ADAM12: variants seen among roughly 807,000 people sequenced by gnomAD.
ADAM12 encodes ADAM metallopeptidase domain 12, also known as disintegrin and metalloproteinase domain-containing protein 12.
ADAM12 carries 70 observed loss-of-function variants against 106.4 expected under a neutral mutation model. The observed-to-expected ratio is 0.66, with a 90% CI of 0.54 to 0.80. ADAM12 has a LOEUF of 0.80. Ranked by LOEUF, ADAM12 falls within the 30% of genes least tolerant of loss-of-function variation. The pLI is 0.00. For synonymous variants in ADAM12, 420 were observed against 433.5 expected, an observed-to-expected ratio of 0.97 and a Z score of 0.39; for missense variants, 1,010 against 1,171.9, an observed-to-expected ratio of 0.86 and a Z score of 2.02.
chr10:126,283,565 C>A (rs1959693677), intron 2 of ADAM12, among the ~76,000 whole-genome samples: 1 of 152,174 alleles, frequency 6.6e-6, no homozygotes, highest in East Asian at 1.9e-4. Context: ...CAAGACAGAG[C>A]ACCTTTGCTT....
At chr10:126,282,321 C>T (rs188132176) in intron 2 of ADAM12, among the ~76,000 whole-genome samples, 3 of 152,132 alleles carry the variant, frequency 2.0e-5, no homozygotes, top group Admixed American at 6.5e-5. Context: ...TCTAAGGTAC[C>T]GGGGTTAGGA....
chr10:126,259,549 C>G (rs1050498355), intron 3 of ADAM12, among the ~76,000 whole-genome samples: 1 of 152,310 alleles, frequency 6.6e-6, no homozygotes, highest in Admixed American at 6.5e-5. Flanking sequence ...TGGTCTGACA[C>G]AGCAAAATAT....
intron 3 of ADAM12, among the ~76,000 whole-genome samples, chr10:126,197,735 T>C (rs1227887343): frequency 6.6e-6 from 1 of 152,154 alleles, no homozygotes; most frequent in Non-Finnish European, 1.5e-5. Context: ...GCCCAACAAA[T>C]AGTCAATGAA....
At chr10:126,228,221 AC>A (rs34343150) in intron 3 of ADAM12, among the ~76,000 whole-genome samples, 9 of 152,098 alleles carry the variant, frequency 5.9e-5, no homozygotes, top group Non-Finnish European at 8.8e-5. Flanking sequence ...TCGTAACTGT[AC>A]CCCCCAATAT....
chr10:126,045,964 A>G, intron 17 of ADAM12, 91 bp downstream of exon 17: 2 of 1,163,922 alleles, frequency 1.7e-6, no homozygotes, highest in Non-Finnish European at 2.6e-6. Flanking sequence ...TATTTAAAAA[A>G]TGCTATGGAT....
At position 126,064,170 on chromosome 10, in the gene ADAM12, G is replaced by C. The variant is rs1158496642; in HGVS notation, c.1609+636C>G. On this transcript the variant is annotated intron_variant, in intron 14 of 22. Coordinates refer to ENST00000448723, the MANE Select transcript of ADAM12 (RefSeq NM_001288973.2). This position sits in a 1 kb window ranked among gnomAD's most constrained non-coding sequence, Gnocchi z 4.4. The stretch of plus-strand genomic sequence containing the variant: ...AGTGCCCAGCCTGAACTGGTGAAAT[G>C]GTGAACTGATGGTCTCTTGTTTGAC... Among the ~76,000 whole-genome samples the C allele has an allele frequency of 6.6e-6, 1 of 152,184 alleles. No homozygotes were observed. Among genetic ancestry groups the C allele is most frequent in the African/African-American group, 2.4e-5 (1 of 41,442 alleles).
At chr10:126,375,697 T>TAA (rs34602029) in intron 1 of ADAM12, among the ~76,000 whole-genome samples, 25,476 of 138,454 alleles carry the variant, frequency 0.18, 2,466 homozygotes, top group Middle Eastern at 0.3. Context: ...TCATTAAAGT[T>TAA]AAAAAAAAAA....
intron 3 of ADAM12, among the ~76,000 whole-genome samples, chr10:126,203,386 A>AT (rs1374431115): frequency 2.0e-5 from 3 of 152,252 alleles, no homozygotes; most frequent in African/African-American, 7.2e-5. Context: ...TTTAAGGTAA[A>AT]TATTGCAACA....
chr10:126,058,297 A>T (rs1001445950), intron 14 of ADAM12, among the ~76,000 whole-genome samples: 68 of 152,238 alleles, frequency 4.5e-4, no homozygotes, highest in African/African-American at 1.6e-3. Context: ...GTGAAAAGCC[A>T]TTTGGGGAAA....
chr10:126,310,256 C>G (rs1289355448), intron 2 of ADAM12, among the ~76,000 whole-genome samples: 1 of 151,630 alleles, frequency 6.6e-6, no homozygotes, highest in Non-Finnish European at 1.5e-5. Flanking sequence ...AAGACAGAAC[C>G]CTGGGAGTTG....
intron 3 of ADAM12, among the ~76,000 whole-genome samples, chr10:126,253,051 G>A (rs1958817597): frequency 6.6e-6 from 1 of 152,140 alleles, no homozygotes; most frequent in Admixed American, 6.5e-5. Context: ...TCACATAACA[G>A]GACATACCTG....
chr10:126,031,054 G>C (rs533984960), intron 21 of ADAM12, among the ~76,000 whole-genome samples: 2 of 152,160 alleles, frequency 1.3e-5, no homozygotes, highest in Non-Finnish European at 2.9e-5. Context: ...TCCAGGCTAC[G>C]GCAGCAGGTG....
intron 1 of ADAM12, among the ~76,000 whole-genome samples, chr10:126,348,269 G>C (rs975412574): frequency 1.4e-4 from 22 of 152,202 alleles, no homozygotes; most frequent in African/African-American, 5.1e-4. Flanking sequence ...GAAAGGGATA[G>C]TGCCTTTAAG....
intron 2 of ADAM12, among the ~76,000 whole-genome samples, chr10:126,327,182 G>A (rs764443647): frequency 6.6e-6 from 1 of 152,186 alleles, no homozygotes; most frequent in Non-Finnish European, 1.5e-5. Context: ...GTCACAGAGC[G>A]ACGTGCCTTT....
chr10:126,361,617 C>A (rs1332454327), intron 1 of ADAM12, among the ~76,000 whole-genome samples: 1 of 151,984 alleles, frequency 6.6e-6, no homozygotes, highest in African/African-American at 2.4e-5. Flanking sequence ...GAACAGAGAG[C>A]CCAGAAATGA....
intron 2 of ADAM12, among the ~76,000 whole-genome samples, chr10:126,329,200 T>C (rs1854417236): frequency 6.6e-6 from 1 of 152,222 alleles, no homozygotes; most frequent in Admixed American, 6.5e-5. Context: ...CATTGTTTAT[T>C]TGAAATCCAA....
intron 3 of ADAM12, among the ~76,000 whole-genome samples, chr10:126,223,965 C>T (rs1018510317): frequency 6.6e-6 from 1 of 152,202 alleles, no homozygotes; most frequent in Non-Finnish European, 1.5e-5. Context: ...TGCTGGATGA[C>T]TGACCAGGAT....
intron 8 of ADAM12, among the ~76,000 whole-genome samples, chr10:126,104,649 T>A (rs959565438): frequency 2.0e-5 from 3 of 152,006 alleles, no homozygotes; most frequent in Admixed American, 1.3e-4. Flanking sequence ...CCTGTGGGAA[T>A]GTAATGAGGA....
intron 6 of ADAM12, among the ~76,000 whole-genome samples, chr10:126,115,624 T>A (rs1590433783): frequency 6.6e-6 from 1 of 152,168 alleles, no homozygotes; most frequent in Non-Finnish European, 1.5e-5. Context: ...AACGCAAACA[T>A]CTGCAGAAAA....
Sources: allele counts gnomAD v4.1 joint callset (sites outside exome capture counted in the v4.1 genomes callset), GRCh38; gene constraint gnomAD v4.1.1; non-coding constraint Gnocchi (gnomAD v3.1); transcripts MANE v1.5; gene names NCBI Gene and HGNC (gene_info 2026-07-23, HGNC 2026-07-21).